TULP4: variants seen among roughly 807,000 people sequenced by gnomAD.
TULP4 encodes tubby-related protein 4.
Under a neutral mutation model 129.0 loss-of-function variants are expected in TULP4, and 16 were observed. That is an observed-to-expected ratio of 0.12 (90% confidence interval 0.08 to 0.19). TULP4 has a LOEUF of 0.19. TULP4 is among the 10% of genes least tolerant of loss of function. TULP4 has a pLI of 1.00. For synonymous variants in TULP4, 998 were observed against 854.0 expected (o/e 1.17, Z -2.94); for missense variants, 1,842 against 2,059.1 (o/e 0.89, Z 2.04).
At chr6:158,295,921 A>G (rs1176394483) in intron 1 of TULP4, among the ~76,000 whole-genome samples, 2 of 152,188 alleles carry the variant, frequency 1.3e-5, no homozygotes, top group Admixed American at 1.3e-4. Flanking sequence ...GCCAGCATAC[A>G]AGCAACACAC....
In TULP4 at chr6:158,454,758, A is replaced by G. The variant is rs371406216; in HGVS notation, c.859+2490A>G. Reference sequence around the variant, plus strand: ...GTAGCTGGGATTACAGGCGCATGCCACCACGCCTGGCTAATTTTGGTATTT... The same window carrying G: ...GTAGCTGGGATTACAGGCGCATGCCGCCACGCCTGGCTAATTTTGGTATTT... On this transcript the variant is annotated intron_variant, in intron 5 of 13. Transcript: ENST00000367097. 1.2e-4 allele frequency among the ~76,000 whole-genome samples: 19 copies of G among 152,152 alleles called. No individual in the cohort carries two copies. In the East Asian group the frequency reaches 2.7e-3, roughly 22 times the overall value.
chr6:158,361,657 A>T (rs887364450), intron 1 of TULP4, among the ~76,000 whole-genome samples: 2 of 152,240 alleles, frequency 1.3e-5, no homozygotes, highest in Non-Finnish European at 2.9e-5. Context: ...TTTAAAATTA[A>T]TATATGTACT....
upstream of TULP4, among the ~76,000 whole-genome samples, chr6:158,307,623 G>A (rs1419853521): frequency 6.6e-6 from 1 of 151,962 alleles, no homozygotes; most frequent in Admixed American, 6.6e-5. Flanking sequence ...CTGGGACTAC[G>A]GGCACCTGCC....
Position 158,508,879 on chromosome 6 carries a change from T to G in TULP4, c.*2185T>G, listed in dbSNP as rs928383259. Reference sequence around the variant, plus strand: ...GAAATAAAGAGGATATGATAGAAGGTTTTTTTTTTTTTTTTTTTTTTTTTT... The same window carrying G: ...GAAATAAAGAGGATATGATAGAAGGGTTTTTTTTTTTTTTTTTTTTTTTTT... On this transcript the variant is annotated 3_prime_UTR_variant, in exon 14 of 14. Transcript: ENST00000367097. 2.9e-5 allele frequency: 1 copy of G among 34,730 alleles called. No individual in the cohort carries two copies. Among genetic ancestry groups the G allele is most frequent in the Non-Finnish European group, 5.6e-5 (1 of 17,758 alleles). The allele number at this position is 34,730 out of a possible 1,614,324, so 2.2% of individuals were successfully genotyped here.
chr6:158,384,034 A>G (rs1777384404), intron 1 of TULP4, among the ~76,000 whole-genome samples: 1 of 152,202 alleles, frequency 6.6e-6, no homozygotes, highest in Admixed American at 6.5e-5. Context: ...AGGTGAATCT[A>G]TCTGTGACTG....
intron 1 of TULP4, among the ~76,000 whole-genome samples, chr6:158,376,596 T>C (rs1777197569): frequency 1.3e-5 from 2 of 152,182 alleles, no homozygotes; most frequent in Admixed American, 1.3e-4. Flanking sequence ...GAGGTTTCAG[T>C]GTCACAATTG....
chr6:158,365,298 T>C (rs1780906970), intron 1 of TULP4, among the ~76,000 whole-genome samples: 1 of 152,058 alleles, frequency 6.6e-6, no homozygotes, highest in Non-Finnish European at 1.5e-5. Context: ...TCTCGTTTAC[T>C]GTGCTTGGTG....
At chr6:158,484,327 T>A (rs892319047) in intron 8 of TULP4, among the ~76,000 whole-genome samples, 3 of 152,016 alleles carry the variant, frequency 2.0e-5, no homozygotes, top group Admixed American at 6.5e-5. Flanking sequence ...GCACTTTTTT[T>A]TTTTGTAGAG....
intron 1 of TULP4, among the ~76,000 whole-genome samples, chr6:158,389,130 G>A (rs1368460428): frequency 6.6e-6 from 1 of 152,172 alleles, no homozygotes; most frequent in Non-Finnish European, 1.5e-5. Context: ...TATCTTGATA[G>A]GCAAAGGATT....
At chr6:158,365,018 A>G (rs1032583256) in intron 1 of TULP4, among the ~76,000 whole-genome samples, 2 of 151,926 alleles carry the variant, frequency 1.3e-5, no homozygotes, top group African/African-American at 4.8e-5. Flanking sequence ...TACAGGCGTG[A>G]GCCACCGCGC....
chr6:158,250,520 G>A (rs1484805356), intron 1 of TULP4, among the ~76,000 whole-genome samples: 1 of 152,198 alleles, frequency 6.6e-6, no homozygotes, highest in Non-Finnish European at 1.5e-5. Flanking sequence ...TTTGGAATCA[G>A]CTTTCTATAA....
rs748771556 is a variant in TULP4 at position 158,510,328 on chromosome 6, A to C, written c.*3634A>C. ...TGTTCATCTTGTAATCATAGCAAAA[A>C]GTCTGCAAACCCCAGGGTCAAGCCT... On this transcript the variant is annotated 3_prime_UTR_variant, in exon 14 of 14. Transcript: ENST00000367097. 1.3e-5 allele frequency: 2 copies of C among 152,252 alleles called. No homozygotes were observed. The highest frequency in any genetic ancestry group is 2.9e-5 in the Non-Finnish European group (2 of 68,036). The allele number at this position is 152,252 out of a possible 1,614,324, so 9.4% of individuals were successfully genotyped here.
At chr6:158,321,140 G>C (rs1198960619) in intron 1 of TULP4, among the ~76,000 whole-genome samples, 1 of 151,968 alleles carries the variant, frequency 6.6e-6, no homozygotes. Flanking sequence ...ACCACACATT[G>C]CTAAACTCAT....
At chr6:158,311,051 T>C (rs904877834), upstream of TULP4, among the ~76,000 whole-genome samples, 2 of 152,146 alleles carry the variant, frequency 1.3e-5, no homozygotes, top group Admixed American at 6.5e-5. Context: ...TTTGACCCAC[T>C]GTTGATTTTG....
At chr6:158,252,105 C>T (rs1023259513) in intron 1 of TULP4, among the ~76,000 whole-genome samples, 2 of 152,314 alleles carry the variant, frequency 1.3e-5, no homozygotes, top group African/African-American at 2.4e-5. Context: ...GATAGAGCAT[C>T]TAGGCCTGTA....
intron 6 of TULP4, among the ~76,000 whole-genome samples, chr6:158,470,301 A>G (rs912740471): frequency 6.6e-6 from 1 of 152,226 alleles, no homozygotes; most frequent in African/African-American, 2.4e-5. Flanking sequence ...CTTAACAAAC[A>G]TGGACCAGAA....
At chr6:158,270,102 C>T (rs1278201217) in intron 1 of TULP4, among the ~76,000 whole-genome samples, 2 of 152,216 alleles carry the variant, frequency 1.3e-5, no homozygotes, top group African/African-American at 4.8e-5. Context: ...CAGTAAGACC[C>T]TTTCCTATCC....
chr6:158,424,770 G>A (rs1302161492), intron 2 of TULP4, among the ~76,000 whole-genome samples: 3 of 152,116 alleles, frequency 2.0e-5, no homozygotes, highest in Non-Finnish European at 4.4e-5. Flanking sequence ...TATGGAAAGA[G>A]ATTTGAACAG....
intron 1 of TULP4, among the ~76,000 whole-genome samples, chr6:158,331,698 C>T (rs928691317): frequency 5.0e-5 from 1 of 19,964 alleles, no homozygotes; most frequent in Non-Finnish European, 1.4e-4. Flanking sequence ...GACACACACA[C>T]ACACACACAC....
Sources: allele counts gnomAD v4.1 joint callset (sites outside exome capture counted in the v4.1 genomes callset), GRCh38; gene constraint gnomAD v4.1.1; transcripts MANE v1.5; gene names NCBI Gene and HGNC (gene_info 2026-07-23, HGNC 2026-07-21).